The following DPH6 variants were observed in gnomAD, a reference collection of about 807,000 sequenced individuals.
DPH6 encodes the protein diphthamine biosynthesis 6.
Under a neutral mutation model 38.2 loss-of-function variants are expected in DPH6, and 33 were observed. That is an observed-to-expected ratio of 0.86 (90% CI 0.65 to 1.15). DPH6 has a LOEUF of 1.15. Among genes scored for constraint, DPH6 ranks in the 50% most tolerant of loss-of-function variants. The pLI, the probability that DPH6 is intolerant of heterozygous loss-of-function variation, is 0.00. For synonymous variants in DPH6, 108 were observed against 103.0 expected, an observed-to-expected ratio of 1.05 and a Z score of -0.30; for missense variants, 325 against 320.0, an observed-to-expected ratio of 1.02 and a Z score of -0.12.
chr15:35,235,470 A>G (rs1041709698), intron 3 of DPH6, among the ~76,000 whole-genome samples: 1 of 152,176 alleles, frequency 6.6e-6, no homozygotes, highest in Non-Finnish European at 1.5e-5. Flanking sequence ...AATCCAATAA[A>G]AATATTAGAA....
At chr15:35,467,794 T>C (rs1465847981) in intron 3 of DPH6, among the ~76,000 whole-genome samples, 1 of 152,176 alleles carries the variant, frequency 6.6e-6, no homozygotes, top group African/African-American at 2.4e-5. Context: ...CTTAATCTTT[T>C]TTTATAAGTA....
intron 3 of DPH6, among the ~76,000 whole-genome samples, chr15:35,321,488 G>T (rs552656618): frequency 2.6e-5 from 4 of 152,358 alleles, no homozygotes; most frequent in African/African-American, 7.2e-5. Context: ...TTACCTTCTG[G>T]TAAGAGGGGA....
chr15:35,199,165 A>T, the DPH6 span, among the ~76,000 whole-genome samples: 1 of 152,166 alleles, frequency 6.6e-6, no homozygotes, highest in African/African-American at 2.4e-5. Flanking sequence ...CACCCACTTC[A>T]GCCTCCCGAA....
intron 3 of DPH6, among the ~76,000 whole-genome samples, chr15:35,279,068 A>AAT (rs1555390827): frequency 0.033 from 3,401 of 101,994 alleles, 138 homozygotes; most frequent in Non-Finnish European, 0.043. Context: ...AAAAAAAAAA[A>AAT]ATATATATAT....
At chr15:35,213,860 C>A (rs571721683), downstream of DPH6, among the ~76,000 whole-genome samples, 26 of 152,300 alleles carry the variant, frequency 1.7e-4, no homozygotes, top group Non-Finnish European at 3.4e-4. Context: ...CGCCTGTAAT[C>A]CCAGCACTTT....
At chr15:35,471,252 A>G (rs2054195314) in intron 3 of DPH6, among the ~76,000 whole-genome samples, 1 of 152,182 alleles carries the variant, frequency 6.6e-6, no homozygotes, top group Non-Finnish European at 1.5e-5. Flanking sequence ...AGGTACAGGT[A>G]ACATAAGACT....
intron 3 of DPH6, among the ~76,000 whole-genome samples, chr15:35,313,988 C>A (rs1431595971): frequency 1.3e-5 from 2 of 151,504 alleles, no homozygotes; most frequent in Admixed American, 1.3e-4. Flanking sequence ...GCAAAGACAA[C>A]AATCAATAGA....
At position 35,493,988 on chromosome 15, in the gene DPH6, A is replaced by G. The variant is rs185009523; in HGVS notation, c.313-39168T>C. The stretch of plus-strand genomic sequence containing the variant: ...CCTTCCAGAGCAGACTCTGGAACCA[A>G]CTGCCCAGATTCAAATCATGATTCC... On this transcript the variant is annotated intron_variant, in intron 3 of 8. Coordinates refer to ENST00000256538, the MANE Select transcript of DPH6 (RefSeq NM_080650.4). Among the ~76,000 whole-genome samples, 8 of 152,212 alleles carry G rather than the reference A, an allele frequency of 5.3e-5. No homozygotes were observed. In the East Asian group the frequency reaches 1.5e-3, roughly 29 times the overall value.
chr15:35,423,622 C>A (rs1174957597), intron 5 of DPH6, among the ~76,000 whole-genome samples: 2 of 151,572 alleles, frequency 1.3e-5, no homozygotes, highest in Non-Finnish European at 3.0e-5. Context: ...TTGTCCAGTC[C>A]AATGACAAGA....
chr15:35,265,800 TAA>T (rs575759475), intron 3 of DPH6, among the ~76,000 whole-genome samples: 1 of 152,124 alleles, frequency 6.6e-6, no homozygotes, highest in African/African-American at 2.4e-5. Context: ...ATTGACAAGT[TAA>T]AAAAAGTCTT....
At chr15:35,494,409 A>G (rs1001315847) in intron 3 of DPH6, among the ~76,000 whole-genome samples, 3 of 152,124 alleles carry the variant, frequency 2.0e-5, no homozygotes, top group Non-Finnish European at 4.4e-5. Context: ...CATTTCTATT[A>G]TTAACTGAAA....
the DPH6 span, among the ~76,000 whole-genome samples, chr15:35,157,887 C>T: frequency 6.6e-6 from 1 of 151,708 alleles, no homozygotes; most frequent in Non-Finnish European, 1.5e-5. Flanking sequence ...AATGGGGGAG[C>T]TGTAGCAATC....
At chr15:35,411,643 C>A (rs16960865) in intron 5 of DPH6, among the ~76,000 whole-genome samples, 46,475 of 151,286 alleles carry the variant, frequency 0.31, 7,841 homozygotes, top group African/African-American at 0.46. Flanking sequence ...AAAAAAAATC[C>A]CATGTCACAA....
chr15:35,311,677 T>C (rs1239384309), intron 3 of DPH6, among the ~76,000 whole-genome samples: 1 of 152,214 alleles, frequency 6.6e-6, no homozygotes, highest in Non-Finnish European at 1.5e-5. Flanking sequence ...TGTTTTGACT[T>C]ATTCCAGAAG....
the DPH6 span, among the ~76,000 whole-genome samples, chr15:35,187,743 C>T: frequency 2.6e-5 from 4 of 152,064 alleles, no homozygotes; most frequent in African/African-American, 7.2e-5. Flanking sequence ...CCCAACACTT[C>T]GGGAGGCTGA....
the DPH6 span, among the ~76,000 whole-genome samples, chr15:35,171,709 T>C: frequency 7.2e-5 from 11 of 152,108 alleles, no homozygotes; most frequent in African/African-American, 2.6e-4. Flanking sequence ...GCTGCAGACG[T>C]TGGATTTTTC....
At chr15:35,252,891 T>C (rs1473312359) in intron 3 of DPH6, among the ~76,000 whole-genome samples, 1 of 152,242 alleles carries the variant, frequency 6.6e-6, no homozygotes, top group Admixed American at 6.5e-5. Context: ...CTTCAGCAAC[T>C]TTCTTTATCC....
At chr15:35,272,602 G>A (rs2051829391) in intron 3 of DPH6, among the ~76,000 whole-genome samples, 1 of 151,952 alleles carries the variant, frequency 6.6e-6, no homozygotes. Context: ...GTTCCTGTGA[G>A]ATCTGATTGT....
intron 6 of DPH6, among the ~76,000 whole-genome samples, chr15:35,394,600 G>A (rs2053105779): frequency 6.6e-6 from 1 of 152,158 alleles, no homozygotes; most frequent in African/African-American, 2.4e-5. Context: ...TCAGTTAAAA[G>A]CACTGGCTTT....
Sources: allele counts gnomAD v4.1 joint callset (sites outside exome capture counted in the v4.1 genomes callset), GRCh38; gene constraint gnomAD v4.1.1; transcripts MANE v1.5; gene names NCBI Gene and HGNC (gene_info 2026-07-23, HGNC 2026-07-21).